The following CHRM3 variants were observed in gnomAD, a reference collection of about 807,000 sequenced individuals.
CHRM3 encodes the protein muscarinic acetylcholine receptor M3.
In CHRM3, 11 loss-of-function variants were observed where a neutral mutation model predicts 41.8. The observed-to-expected ratio is 0.26, with a 90% CI of 0.17 to 0.44. The LOEUF is 0.44. Among genes scored for constraint, CHRM3 ranks in the 20% least tolerant of loss-of-function variants. The pLI is 1.00. For missense variants in CHRM3, 571 were observed against 745.4 expected (o/e 0.77, Z 2.72); for synonymous variants, 297 against 301.4 (o/e 0.99, Z 0.15).
chr1:239,758,164 A>G (rs1481307248), intron 5 of CHRM3, among the ~76,000 whole-genome samples: 1 of 152,198 alleles, frequency 6.6e-6, no homozygotes, highest in Non-Finnish European at 1.5e-5. Context: ...GCTTGTCTTG[A>G]TGTAATAAGA....
At chr1:239,519,856 T>TA (rs1669517718) in intron 2 of CHRM3, among the ~76,000 whole-genome samples, 1 of 147,854 alleles carries the variant, frequency 6.8e-6, no homozygotes, top group African/African-American at 2.5e-5. Flanking sequence ...CACGCCATTC[T>TA]CCTGCCTCAG....
At chr1:239,681,368 C>G (rs572224898) in intron 5 of CHRM3, among the ~76,000 whole-genome samples, 1 of 152,308 alleles carries the variant, frequency 6.6e-6, no homozygotes, top group South Asian at 2.1e-4. Context: ...TTTATAAAGA[C>G]CTTCATAAAT....
At chr1:239,412,229 C>G (rs1661137257) in intron 1 of CHRM3, among the ~76,000 whole-genome samples, 1 of 132,746 alleles carries the variant, frequency 7.5e-6, no homozygotes, top group South Asian at 2.7e-4. Flanking sequence ...CTTTTTCTCC[C>G]CTTTCTTTTT....
intron 5 of CHRM3, among the ~76,000 whole-genome samples, chr1:239,795,062 A>T (rs1669659120): frequency 6.6e-6 from 1 of 152,236 alleles, no homozygotes; most frequent in Non-Finnish European, 1.5e-5. Context: ...AGTATTGGTT[A>T]TTCTTAAGAG....
At chr1:239,764,951 A>G (rs1667087615) in intron 5 of CHRM3, among the ~76,000 whole-genome samples, 1 of 152,244 alleles carries the variant, frequency 6.6e-6, no homozygotes. Flanking sequence ...GAGGTGAAAT[A>G]CCATGATTCT....
intron 5 of CHRM3, among the ~76,000 whole-genome samples, chr1:239,785,764 A>G (rs116266036): frequency 3.9e-5 from 6 of 152,308 alleles, no homozygotes; most frequent in Non-Finnish European, 7.4e-5. Context: ...AATGGGAGCT[A>G]AACTGACTGA....
intron 1 of CHRM3, among the ~76,000 whole-genome samples, chr1:239,466,148 C>T (rs1665714138): frequency 6.6e-6 from 1 of 152,072 alleles, no homozygotes; most frequent in Non-Finnish European, 1.5e-5. Flanking sequence ...CGCCCGCCAC[C>T]ACGCCTGGCT....
At chr1:239,576,456 T>C (rs1158699913) in intron 3 of CHRM3, among the ~76,000 whole-genome samples, 1 of 152,016 alleles carries the variant, frequency 6.6e-6, no homozygotes, top group African/African-American at 2.4e-5. Context: ...AATTTCAACA[T>C]TTCTGGCCAG....
intron 5 of CHRM3, among the ~76,000 whole-genome samples, chr1:239,795,964 A>C (rs1669732689): frequency 6.6e-6 from 1 of 152,174 alleles, no homozygotes; most frequent in African/African-American, 2.4e-5. Flanking sequence ...TTTTATATTG[A>C]CTGTGTTCAG....
rs144577166 is a variant in CHRM3 at position 239,821,004 on chromosome 1, A to G, written c.-146-6248A>G. On this transcript the variant is annotated intron_variant, in intron 5 of 6. Coordinates refer to ENST00000676153, the MANE Select transcript of CHRM3 (RefSeq NM_001375978.1). Reference sequence around the variant, plus strand: ...TGCTTATCTTTCTCTTACACTGACAAAAAGAGGGCAAACTAGGAAAGGTAT... The same window carrying G: ...TGCTTATCTTTCTCTTACACTGACAGAAAGAGGGCAAACTAGGAAAGGTAT... Among the ~76,000 whole-genome samples, 497 of 152,266 alleles carry G rather than the reference A, an allele frequency of 3.3e-3. 2 individuals are homozygous for G. The highest frequency in any genetic ancestry group is 0.011 in the African/African-American group (449 of 41,552).
At chr1:239,888,274 G>T (rs764997254) in intron 6 of CHRM3, among the ~76,000 whole-genome samples, 2 of 151,990 alleles carry the variant, frequency 1.3e-5, no homozygotes, top group Non-Finnish European at 2.9e-5. Flanking sequence ...GGCTGAGGTA[G>T]GAGAGTCACC....
chr1:239,837,076 A>G (rs1673386189), intron 6 of CHRM3, among the ~76,000 whole-genome samples: 2 of 152,326 alleles, frequency 1.3e-5, no homozygotes, highest in Admixed American at 1.3e-4. Context: ...TGCATGATAA[A>G]CAGGGTTGTA....
intron 3 of CHRM3, among the ~76,000 whole-genome samples, chr1:239,584,332 G>T (rs540848346): frequency 6.6e-6 from 1 of 151,952 alleles, no homozygotes; most frequent in Non-Finnish European, 1.5e-5. Flanking sequence ...TCGAACACCT[G>T]ATCTCAAGTG....
intron 1 of CHRM3, among the ~76,000 whole-genome samples, chr1:239,451,972 T>C (rs1490887109): frequency 2.0e-5 from 3 of 152,232 alleles, no homozygotes; most frequent in Non-Finnish European, 2.9e-5. Flanking sequence ...GCTGTATCTA[T>C]ATTTATTCTT....
chr1:239,717,726 G>A (rs1425452484), intron 5 of CHRM3, among the ~76,000 whole-genome samples: 1 of 151,984 alleles, frequency 6.6e-6, no homozygotes, highest in African/African-American at 2.4e-5. Flanking sequence ...GGGAAATTCA[G>A]CCACACACAA....
intron 4 of CHRM3, among the ~76,000 whole-genome samples, chr1:239,668,232 G>A (rs1321937939): frequency 6.6e-6 from 1 of 151,152 alleles, no homozygotes; most frequent in Non-Finnish European, 1.5e-5. Flanking sequence ...CTGAGTAGCT[G>A]GGATTACAGG....
chr1:239,874,309 A>ACACAG (rs1214150175), intron 6 of CHRM3, among the ~76,000 whole-genome samples: 10 of 120,232 alleles, frequency 8.3e-5, no homozygotes, highest in African/African-American at 3.3e-4. Context: ...ATATATATAT[A>ACACAG]TATATATATA....
intron 6 of CHRM3, among the ~76,000 whole-genome samples, chr1:239,864,309 C>G (rs1675895567): frequency 6.6e-6 from 1 of 152,028 alleles, no homozygotes; most frequent in South Asian, 2.1e-4. Flanking sequence ...GAGTTTGAGA[C>G]CAGCCCAACC....
intron 4 of CHRM3, among the ~76,000 whole-genome samples, chr1:239,655,995 A>C (rs1297217671): frequency 6.6e-6 from 1 of 152,182 alleles, no homozygotes; most frequent in Non-Finnish European, 1.5e-5. Context: ...GGACAAAATC[A>C]TGTCCTTTGT....
Sources: gnomAD v4.1 joint callset for allele counts (sites outside exome capture counted in the v4.1 genomes callset) on GRCh38, gnomAD v4.1.1 for gene constraint, MANE v1.5 for transcripts, NCBI Gene and HGNC (gene_info 2026-07-23, HGNC 2026-07-21) for gene names.